HEMK2: variants seen among roughly 807,000 people sequenced by gnomAD.
HEMK2 encodes HemK methyltransferase 2, ETF1 glutamine and histone H4 lysine.
At chr21:28,841,256 ATATATAATATATAT>A in the HEMK2 span, among the ~76,000 whole-genome samples, 17 of 10,490 alleles carry the variant, frequency 1.6e-3, no homozygotes, top group African/African-American at 0.015. Context: ...ATAATATATT[ATATATAATATATAT>A]TATATATTAT....
At chr21:28,803,828 G>C in the HEMK2 span, among the ~76,000 whole-genome samples, 4 of 152,172 alleles carry the variant, frequency 2.6e-5, no homozygotes, top group South Asian at 2.1e-4. Context: ...ACCCCAATTA[G>C]AGTAATTGTC....
At chr21:28,666,204 G>T in the HEMK2 span, among the ~76,000 whole-genome samples, 1 of 152,208 alleles carries the variant, frequency 6.6e-6, no homozygotes, top group East Asian at 1.9e-4. Flanking sequence ...AAAGGAAGCA[G>T]ATTGGAAGGA....
chr21:28,746,404 C>G, the HEMK2 span, among the ~76,000 whole-genome samples: 1 of 152,102 alleles, frequency 6.6e-6, no homozygotes, highest in Non-Finnish European at 1.5e-5. Flanking sequence ...CATAGCATTG[C>G]CCTGCATTCA....
the HEMK2 span, among the ~76,000 whole-genome samples, chr21:28,817,189 G>A: frequency 5.1e-4 from 78 of 152,226 alleles, no homozygotes; most frequent in African/African-American, 1.6e-3. Flanking sequence ...AAATTCTCAA[G>A]AAAAATTCAC....
the HEMK2 span, among the ~76,000 whole-genome samples, chr21:28,800,402 C>T: frequency 6.6e-6 from 1 of 151,924 alleles, no homozygotes; most frequent in Admixed American, 6.6e-5. Context: ...GATGTGTAAG[C>T]TCTGTGTTCA....
chr21:28,705,986 A>G, the HEMK2 span, among the ~76,000 whole-genome samples: 84,957 of 151,642 alleles, frequency 0.56, 26,665 homozygotes, highest in East Asian at 0.84. Flanking sequence ...GATAATTTCT[A>G]AATCTTAAAG....
chr21:28,775,913 CTG>C, the HEMK2 span, among the ~76,000 whole-genome samples: 2,645 of 151,698 alleles, frequency 0.017, 67 homozygotes, highest in African/African-American at 0.061. Flanking sequence ...ATGGGCGTGA[CTG>C]TTAAAATGCC....
At chr21:28,681,348 T>A in the HEMK2 span, among the ~76,000 whole-genome samples, 1 of 152,074 alleles carries the variant, frequency 6.6e-6, no homozygotes, top group African/African-American at 2.4e-5. Context: ...TTACAAGGGA[T>A]GTGAAGGACC....
the HEMK2 span, among the ~76,000 whole-genome samples, chr21:28,795,472 A>G: frequency 6.6e-6 from 1 of 152,190 alleles, no homozygotes; most frequent in Non-Finnish European, 1.5e-5. Flanking sequence ...ACTCTGCTGG[A>G]GTCACAAACG....
the HEMK2 span, among the ~76,000 whole-genome samples, chr21:28,783,138 T>G: frequency 6.6e-6 from 1 of 152,206 alleles, no homozygotes; most frequent in Non-Finnish European, 1.5e-5. Flanking sequence ...GACCCAAATC[T>G]AAACACAAAA....
At chr21:28,680,859 T>C in the HEMK2 span, among the ~76,000 whole-genome samples, 1 of 152,194 alleles carries the variant, frequency 6.6e-6, no homozygotes, top group Admixed American at 6.5e-5. Flanking sequence ...CAACCCTTCA[T>C]GCTAAAAACT....
chr21:28,772,198 A>G, the HEMK2 span, among the ~76,000 whole-genome samples: 1 of 152,152 alleles, frequency 6.6e-6, no homozygotes, highest in African/African-American at 2.4e-5. Flanking sequence ...ACTAAAACCT[A>G]TGTTTCAACC....
the HEMK2 span, among the ~76,000 whole-genome samples, chr21:28,713,296 A>G: frequency 6.6e-6 from 1 of 152,178 alleles, no homozygotes; most frequent in East Asian, 1.9e-4. Context: ...GAGGACAGCG[A>G]GAGCAAACAT....
the HEMK2 span, among the ~76,000 whole-genome samples, chr21:28,633,482 G>C: frequency 6.6e-6 from 1 of 152,168 alleles, no homozygotes; most frequent in South Asian, 2.1e-4. Context: ...TTAGGGAATA[G>C]AAGAGACTGA....
the HEMK2 span, among the ~76,000 whole-genome samples, chr21:28,771,165 A>T: frequency 6.6e-6 from 1 of 152,184 alleles, no homozygotes; most frequent in South Asian, 2.1e-4. Context: ...TGACCACACA[A>T]ATAGCAAGTG....
chr21:28,671,860 C>T, the HEMK2 span, among the ~76,000 whole-genome samples: 1 of 152,156 alleles, frequency 6.6e-6, no homozygotes, highest in Non-Finnish European at 1.5e-5. Flanking sequence ...CACGTAAATT[C>T]TGCCATAGCA....
the HEMK2 span, among the ~76,000 whole-genome samples, chr21:28,698,515 G>A: frequency 5.3e-5 from 8 of 152,028 alleles, no homozygotes; most frequent in Non-Finnish European, 1.0e-4. Context: ...CAAGCGGAGA[G>A]ATTCTTTTTT....
chr21:28,770,407 AG>A, the HEMK2 span, among the ~76,000 whole-genome samples: 1 of 152,062 alleles, frequency 6.6e-6, no homozygotes, highest in South Asian at 2.1e-4. Flanking sequence ...TTCCAAGTGA[AG>A]GGAAGAGGAT....
the HEMK2 span, among the ~76,000 whole-genome samples, chr21:28,771,518 A>ACCCCCCCCCCCCCCCCCCCC: frequency 2.8e-5 from 3 of 105,584 alleles, no homozygotes; most frequent in Non-Finnish European, 6.0e-5. Flanking sequence ...AAGATGCACC[A>ACCCCCCCCCCCCCCCCCCCC]CCCCCCCCCG....
Sources: gnomAD v4.1 joint callset for allele counts (sites outside exome capture counted in the v4.1 genomes callset) on GRCh38, gnomAD v4.1.1 for gene constraint, MANE v1.5 for transcripts, NCBI Gene and HGNC (gene_info 2026-07-23, HGNC 2026-07-21) for gene names.